The following GOLGA3 variants were observed in gnomAD, a reference collection of about 807,000 sequenced individuals.
GOLGA3 encodes the protein golgin subfamily A member 3.
In GOLGA3, 75 loss-of-function variants were observed where a neutral mutation model predicts 169.4. That is an observed-to-expected ratio of 0.44 (90% CI 0.37 to 0.54). GOLGA3 has a LOEUF of 0.54. Among genes scored for constraint, GOLGA3 ranks in the 20% least tolerant of loss-of-function variants. The pLI is 0.00. For missense variants in GOLGA3, 1,899 were observed against 1,930.0 expected (o/e 0.98, Z 0.30); for synonymous variants, 824 against 822.4 (o/e 1.00, Z -0.03).
intron 11 of GOLGA3, among the ~76,000 whole-genome samples, 161 bp downstream of exon 11, chr12:132,795,691 G>A (rs1442329046): frequency 1.3e-5 from 2 of 152,136 alleles, no homozygotes; most frequent in African/African-American, 2.4e-5. Flanking sequence ...AACCTGGGAG[G>A]TGGAGGTTGC....
chr12:132,824,922 G>A, intron 1 of GOLGA3, among the ~76,000 whole-genome samples: 1 of 152,088 alleles, frequency 6.6e-6, no homozygotes, highest in Non-Finnish European at 1.5e-5. Flanking sequence ...CGCCCACCTG[G>A]GAATGGAGAA....
chr12:132,775,954 C>T (rs1403474612), intron 21 of GOLGA3, among the ~76,000 whole-genome samples: 13 of 152,248 alleles, frequency 8.5e-5, no homozygotes, highest in Non-Finnish European at 1.5e-5. Flanking sequence ...ACACACAGCG[C>T]GGCCAAGGGA....
At chr12:132,809,117 G>T (rs1949569540) in intron 4 of GOLGA3, among the ~76,000 whole-genome samples, 1 of 152,216 alleles carries the variant, frequency 6.6e-6, no homozygotes, top group Non-Finnish European at 1.5e-5. Flanking sequence ...CTGGACGGGG[G>T]CCCTTCCCTG....
intron 16 of GOLGA3, among the ~76,000 whole-genome samples, chr12:132,783,709 C>G (rs2045742720): frequency 6.6e-6 from 1 of 152,186 alleles, no homozygotes. Context: ...ACCCAAGTAA[C>G]TGGGACTACA....
chr12:132,786,858 C>G, intron 13 of GOLGA3, 71 bp from the exon 14 acceptor site: 1 of 1,043,898 alleles, frequency 9.6e-7, no homozygotes, highest in East Asian at 2.4e-5. Context: ...CTGGCTCCAG[C>G]CCATCACCCC....
At chr12:132,822,484 G>A (rs1306480784) in intron 1 of GOLGA3, among the ~76,000 whole-genome samples, 173 bp from the exon 2 acceptor site, 3 of 152,232 alleles carry the variant, frequency 2.0e-5, no homozygotes, top group African/African-American at 7.2e-5. Context: ...AGGCTAAGAT[G>A]CTGACCCAGC....
At chr12:132,822,562 G>C (rs1417602277) in intron 1 of GOLGA3, among the ~76,000 whole-genome samples, 1 of 152,238 alleles carries the variant, frequency 6.6e-6, no homozygotes, top group Non-Finnish European at 1.5e-5. Context: ...ATTCTGCTGG[G>C]ACAGCGCAGC....
At chr12:132,780,754 G>A (rs751980545) in intron 18 of GOLGA3, 44 bp downstream of exon 18, 3 of 1,204,618 alleles carry the variant, frequency 2.5e-6, no homozygotes, top group South Asian at 2.4e-5. Flanking sequence ...CTAGGCACTG[G>A]AGCGTCCTCT....
chr12:132,804,813 C>A lies in GOLGA3; in HGVS notation c.1500G>T (p.Ser500=). Residue 500 remains serine (S), a synonymous_variant, in exon 7 of 24, where the codon TCG becomes TCT. Transcript: ENST00000450791. This position sits in a 1 kb window ranked among gnomAD's most constrained non-coding sequence, Gnocchi z 4.1. ...MLEAKNASLA[S]SNNDLQVAEE... is the part of the protein sequence containing the mutation. ...CGGCCACCTGCAAGTCGTTGTTGGA[C>A]GACGCCAGGCTGGCATTTTTTGCCT... 1 of 1,614,200 alleles carries A rather than the reference C, an allele frequency of 6.2e-7. No homozygotes were observed. The highest frequency in any genetic ancestry group is 8.5e-7 in the Non-Finnish European group (1 of 1,180,018).
At chr12:132,825,881 C>T in intron 1 of GOLGA3, 1 of 967,014 alleles carries the variant, frequency 1.0e-6, no homozygotes, top group Non-Finnish European at 1.7e-6. Flanking sequence ...CAAGAAATGC[C>T]CCTTCACTGG....
chr12:132,786,161 G>T (rs1472839212), intron 15 of GOLGA3, among the ~76,000 whole-genome samples, 178 bp downstream of exon 15: 1 of 151,588 alleles, frequency 6.6e-6, no homozygotes, highest in African/African-American at 2.4e-5. Flanking sequence ...GAGACGCGAG[G>T]CAATGCTCAG....
chr12:132,787,866 C>T (rs1490227548), intron 13 of GOLGA3, among the ~76,000 whole-genome samples: 2 of 88,616 alleles, frequency 2.3e-5, no homozygotes, highest in African/African-American at 6.6e-5. Flanking sequence ...GACCCCGGGA[C>T]CCCTTCCCGA....
intron 2 of GOLGA3, 102 bp from the exon 3 acceptor site, chr12:132,816,914 T>C (rs1949983383): frequency 2.9e-6 from 3 of 1,048,594 alleles, no homozygotes; most frequent in Non-Finnish European, 4.1e-6. Flanking sequence ...TCCAGACTCA[T>C]GAGCACGGCA....
intron 17 of GOLGA3, 144 bp from the exon 18 acceptor site, chr12:132,781,058 A>G (rs2136303150): frequency 1.6e-6 from 1 of 644,842 alleles, no homozygotes; most frequent in Non-Finnish European, 2.7e-6. Flanking sequence ...AGAATCTGTG[A>G]CAAAAACAGA....
rs1949300168 is a variant in GOLGA3 at position 132,804,640 on chromosome 12, G to A, written c.1597+76C>T. 8.1e-7 allele frequency: 1 copy of A among 1,240,420 alleles called. No individual in the cohort carries two copies. The highest frequency in any genetic ancestry group is 1.2e-6 in the Non-Finnish European group (1 of 867,716). 76.8% of individuals were successfully genotyped at this position (1,240,420 alleles called of 1,614,324 possible). The stretch of plus-strand genomic sequence containing the variant: ...GTCAGGGAAGGAGGAGGGCGTGGCG[G>A]GGGCCAGTCGAGGAAGGAGGAGGGA... On this transcript the variant is annotated intron_variant, in intron 7 of 23. Coordinates refer to ENST00000450791, the MANE Select transcript of GOLGA3 (RefSeq NM_001389683.1). The surrounding 1 kb of genome is among the most constrained non-coding windows in gnomAD (Gnocchi z 4.1).
chr12:132,785,576 G>C (rs2045854969), intron 15 of GOLGA3, among the ~76,000 whole-genome samples: 1 of 152,064 alleles, frequency 6.6e-6, no homozygotes, highest in Non-Finnish European at 1.5e-5. Context: ...GCCTCCCAAA[G>C]CGCTGGGATT....
chr12:132,816,654 C>A lies in GOLGA3; in HGVS notation c.292G>T (p.Ala98Ser). The A allele has an allele frequency of 6.2e-7, 1 of 1,614,162 alleles. No individual in the cohort carries two copies. Among genetic ancestry groups the A allele is most frequent in the Non-Finnish European group, 8.5e-7 (1 of 1,180,020 alleles). ...PVGPDASPGV[A>S]GFHDNLRKSQ... is the part of the protein sequence containing the mutation. ...TTCCTTAGGTTGTCATGGAAACCAG[C>A]CACACCTGGAGAGGCATCAGGGCCC... is the stretch of plus-strand genomic sequence containing the variant. Residue 98 changes from alanine to serine, a missense_variant, in exon 3 of 24, where the codon GCT becomes TCT. Coordinates refer to ENST00000450791, the MANE Select transcript of GOLGA3 (RefSeq NM_001389683.1).
At chr12:132,792,763 G>A (rs185791281) in intron 11 of GOLGA3, among the ~76,000 whole-genome samples, 3 of 68,224 alleles carry the variant, frequency 4.4e-5, no homozygotes, top group Non-Finnish European at 5.9e-5. Flanking sequence ...CACACGGACT[G>A]ACCGCACGGG....
chr12:132,808,039 T>C lies in GOLGA3; in HGVS notation c.1030A>G (p.Met344Val), dbSNP rs756629270. ...KTVGTQDTPY[M>V]VNGQEIPADT... ...GCAGGAATCTCCTGGCCGTTGACCA[T>C]ATAGGGGGTGTCCTGCGTGCCCACT... is the stretch of plus-strand genomic sequence containing the variant. The change falls in exon 5 of 24, where the codon ATG (methionine) becomes GTG (valine). Residue 344 changes from methionine to valine, a missense_variant. By Grantham distance (21) the Met-to-Val change is conservative. Transcript: ENST00000450791. The C allele has an allele frequency of 2.9e-5, 47 of 1,606,136 alleles. No homozygotes were observed. The highest frequency in any genetic ancestry group is 3.5e-5 in the Non-Finnish European group (41 of 1,175,492).
Sources: allele counts gnomAD v4.1 joint callset (sites outside exome capture counted in the v4.1 genomes callset), GRCh38; gene constraint gnomAD v4.1.1; non-coding constraint Gnocchi (gnomAD v3.1); transcripts MANE v1.5; gene names NCBI Gene and HGNC (gene_info 2026-07-23, HGNC 2026-07-21).